ZIM3: variants seen among roughly 807,000 people sequenced by gnomAD.
The protein encoded by ZIM3 is zinc finger imprinted 3.
ZIM3 carries 11 observed loss-of-function variants against 12.9 expected under a neutral mutation model. That is an observed-to-expected ratio of 0.85 (90% confidence interval 0.54 to 1.41). ZIM3 has a LOEUF of 1.41. ZIM3 is among the 40% of genes most tolerant of loss of function. ZIM3 has a pLI of 0.00. For synonymous variants in ZIM3, 205 were observed against 198.5 expected (o/e 1.03, Z -0.28); for missense variants, 604 against 557.2 (o/e 1.08, Z -0.85).
chr19:57,135,637 G>A lies in ZIM3; in HGVS notation c.700C>T (p.Gln234Ter), dbSNP rs754315030. 3 of 1,611,878 alleles carry A rather than the reference G, an allele frequency of 1.9e-6. No individual in the cohort carries two copies. The highest frequency in any genetic ancestry group is 3.3e-5 in the Admixed American group (2 of 59,950). The change falls in exon 5 of 5, where the codon CAG becomes TAG. Residue 234 changes from glutamine to a stop codon, truncating the protein, a stop_gained. Coordinates refer to ENST00000269834, the MANE Select transcript of ZIM3 (RefSeq NM_052882.1). LOFTEE classifies it low-confidence loss of function (END_TRUNC). ...TGATGTTGAAAGAGATTTGACTTCT[G>A]CTTGTAGGCATTTCCACAGTTCTCA... is the stretch of plus-strand genomic sequence containing the variant. Reference protein sequence around the residue: ...KCENCGNAYKQKSNLFQHQKM... With the variant: ...KCENCGNAYK
At chr19:57,139,896 AG>A (rs1599923107) in intron 2 of ZIM3, among the ~76,000 whole-genome samples, 1 of 152,150 alleles carries the variant, frequency 6.6e-6, no homozygotes. Context: ...CACCTGTTAC[AG>A]GGGCCAGCGT....
intron 1 of ZIM3, 140 bp downstream of exon 1, chr19:57,144,719 T>C (rs904051347): frequency 6.6e-6 from 1 of 151,764 alleles, no homozygotes; most frequent in East Asian, 1.9e-4. Context: ...AAAAAAAAAA[T>C]CTAAACTACC....
intron 2 of ZIM3, among the ~76,000 whole-genome samples, chr19:57,141,330 GGTGGAGGTT>G (rs1217510811): frequency 1.3e-5 from 2 of 150,954 alleles, no homozygotes; most frequent in African/African-American, 4.9e-5. Context: ...GAACCTGGGA[GGTGGAGGTT>G]GCAGTGAGCC....
chr19:57,139,411 C>T (rs2086903970), intron 2 of ZIM3, among the ~76,000 whole-genome samples: 1 of 151,708 alleles, frequency 6.6e-6, no homozygotes, highest in Non-Finnish European at 1.5e-5. Context: ...TTTAAGACAT[C>T]CTGCCTCTAT....
At chr19:57,136,822 T>C in intron 4 of ZIM3, 51 bp downstream of exon 4, 2 of 1,526,712 alleles carry the variant, frequency 1.3e-6, no homozygotes, top group Non-Finnish European at 9.1e-7. Flanking sequence ...TTAGAAAAGC[T>C]GAATTGGCTT....
intron 1 of ZIM3, among the ~76,000 whole-genome samples, chr19:57,142,965 A>G (rs1449710996): frequency 6.6e-6 from 1 of 152,062 alleles, no homozygotes; most frequent in Non-Finnish European, 1.5e-5. Flanking sequence ...AGGCTGAAGC[A>G]GGCAGATCAC....
chr19:57,136,994 G>A (rs760668990), intron 3 of ZIM3, 23 bp from the exon 4 acceptor site: 31 of 1,611,984 alleles, frequency 1.9e-5, no homozygotes, highest in Admixed American at 3.3e-5. Flanking sequence ...ATACCGCAAG[G>A]CTTGGTGTTT....
chr19:57,144,553 C>T (rs1218403879), intron 1 of ZIM3, among the ~76,000 whole-genome samples: 2 of 151,988 alleles, frequency 1.3e-5, no homozygotes, highest in East Asian at 3.9e-4. Context: ...AAACATGTAT[C>T]AAAACATCAC....
At position 57,138,528 on chromosome 19, in the gene ZIM3, TGTTC is replaced by T; in HGVS notation, c.82_85del (p.Glu28ArgfsTer8). 2 of 1,614,142 alleles carry T rather than the reference TGTTC, an allele frequency of 1.2e-6. No individual in the cohort carries two copies. The highest frequency in any genetic ancestry group is 8.5e-7 in the Non-Finnish European group (1 of 1,179,992). Reference sequence around the variant, plus strand: ...CATCACATCCCTGTACAAGTTTCTCTGTTCGGGATTCAGCCGCTGCCACTCCCCC... The same window carrying T: ...CATCACATCCCTGTACAAGTTTCTCTGGGATTCAGCCGCTGCCACTCCCCC... On this transcript the variant is annotated frameshift_variant, in exon 3 of 5. Coordinates refer to ENST00000269834, the MANE Select transcript of ZIM3 (RefSeq NM_052882.1). LOFTEE classifies it high-confidence loss of function.
chr19:57,143,879 T>C (rs2086926022), intron 1 of ZIM3, among the ~76,000 whole-genome samples: 1 of 151,804 alleles, frequency 6.6e-6, no homozygotes. Context: ...TTTTACCATG[T>C]TGTTCAGGCT....
At chr19:57,141,398 CAAAAAAAA>C (rs66633580) in intron 2 of ZIM3, among the ~76,000 whole-genome samples, 6 of 105,464 alleles carry the variant, frequency 5.7e-5, no homozygotes, top group African/African-American at 1.1e-4. Context: ...GAGACTGTCT[CAAAAAAAA>C]AAAAAAAAAA....
intron 3 of ZIM3, 141 bp downstream of exon 3, chr19:57,138,331 G>T: frequency 8.2e-7 from 1 of 1,224,024 alleles, no homozygotes. Flanking sequence ...CACTTCACTT[G>T]CCTCACCCTA....
At chr19:57,142,523 G>A in intron 2 of ZIM3, 106 bp downstream of exon 2, 4 of 1,195,788 alleles carry the variant, frequency 3.3e-6, no homozygotes, top group East Asian at 4.7e-5. Flanking sequence ...AGTATGGAAG[G>A]AAGGAGGAAA....
Position 57,138,607 on chromosome 19 carries a change from A to G in ZIM3, c.16-9T>C, listed in dbSNP as rs1263481309. 6.2e-7 allele frequency: 1 copy of G among 1,613,938 alleles called. No homozygotes were observed. The highest frequency in any genetic ancestry group is 8.5e-7 in the Non-Finnish European group (1 of 1,179,950). ...TCGAAGGTCACTCTTCCCTGTAACAACAGATTCCCGATCAGTATAAAAATG... is the reference window on the plus strand; with the variant it reads ...TCGAAGGTCACTCTTCCCTGTAACAGCAGATTCCCGATCAGTATAAAAATG... On this transcript the variant is annotated splice_polypyrimidine_tract_variant and intron_variant, in intron 2 of 4. Transcript: ENST00000269834.
rs59231549 is a variant in ZIM3 at position 57,134,881 on chromosome 19, C to T, written c.*37G>A. The T allele has an allele frequency of 0.051, 79,658 of 1,553,784 alleles. 6,488 individuals are homozygous for T. Among genetic ancestry groups the T allele is most frequent in the East Asian group, 0.43 (19,204 of 44,322 alleles). Reference sequence around the variant, plus strand: ...ATTCTGGGGTGACAATTCCAGGCAACCATATCTTCCCATGTTTTTTTAAGT... The same window carrying T: ...ATTCTGGGGTGACAATTCCAGGCAATCATATCTTCCCATGTTTTTTTAAGT... On this transcript the variant is annotated 3_prime_UTR_variant, in exon 5 of 5. Coordinates refer to ENST00000269834, the MANE Select transcript of ZIM3 (RefSeq NM_052882.1).
chr19:57,138,323 C>T (rs942295362), intron 3 of ZIM3, 149 bp downstream of exon 3: 75 of 1,157,436 alleles, frequency 6.5e-5, no homozygotes, highest in Middle Eastern at 2.9e-4. Flanking sequence ...ACTTGGTACA[C>T]TTCACTTGCC....
chr19:57,136,118 G>T (rs752478113), intron 4 of ZIM3, 23 bp from the exon 5 acceptor site: 4 of 1,586,342 alleles, frequency 2.5e-6, no homozygotes, highest in Admixed American at 3.6e-5. Flanking sequence ...ACAAAAAAAT[G>T]TCCTGTGTAA....
intron 2 of ZIM3, among the ~76,000 whole-genome samples, chr19:57,140,365 C>T (rs777899684): frequency 1.3e-5 from 2 of 151,950 alleles, no homozygotes. Context: ...TTAGTAGAGA[C>T]GGGTTTCACC....
chr19:57,135,946 T>A lies in ZIM3; in HGVS notation c.391A>T (p.Ile131Leu). 6.2e-7 allele frequency: 1 copy of A among 1,614,188 alleles called. No individual in the cohort carries two copies. Among genetic ancestry groups the A allele is most frequent in the Non-Finnish European group, 8.5e-7 (1 of 1,180,038 alleles). ...TGTTGCAAGGAAGATACATCATCTATGCCCAGTGGAAGTATTTTCTTAGAT... is the reference window on the plus strand; with the variant it reads ...TGTTGCAAGGAAGATACATCATCTAAGCCCAGTGGAAGTATTTTCTTAGAT... Reference protein sequence around the residue: ...DGSKKILPLGIDDVSSLQHYV... With the variant: ...DGSKKILPLGLDDVSSLQHYV... The change falls in exon 5 of 5, where the codon ATA becomes TTA. Residue 131 changes from isoleucine to leucine, a missense_variant. Physicochemically the swap from Ile to Leu is conservative, Grantham distance 5. Transcript: ENST00000269834.
Sources: allele counts gnomAD v4.1 joint callset (sites outside exome capture counted in the v4.1 genomes callset), GRCh38; gene constraint gnomAD v4.1.1; transcripts MANE v1.5; gene names NCBI Gene and HGNC (gene_info 2026-07-23, HGNC 2026-07-21).